The following AKAP6 variants were observed in gnomAD, a reference collection of about 807,000 sequenced individuals.
AKAP6 encodes the protein A-kinase anchoring protein 6, also known as A-kinase anchor protein 6.
In AKAP6, 58 loss-of-function variants were observed where a neutral mutation model predicts 188.5. That is an observed-to-expected ratio of 0.31 (90% CI 0.25 to 0.38). The LOEUF (loss-of-function observed/expected upper bound fraction) is 0.38. Among genes scored for constraint, AKAP6 ranks in the 10% least tolerant of loss-of-function variants. The pLI, the probability that AKAP6 is intolerant of heterozygous loss-of-function variation, is 1.00. For missense variants in AKAP6, 2,710 were observed against 2,740.0 expected (o/e 0.99, Z 0.24); for synonymous variants, 989 against 998.6 (o/e 0.99, Z 0.18).
intron 11 of AKAP6, among the ~76,000 whole-genome samples, chr14:32,748,895 C>G (rs2032017746): frequency 1.3e-5 from 2 of 152,154 alleles, no homozygotes; most frequent in Non-Finnish European, 2.9e-5. Flanking sequence ...TGTAAACCCT[C>G]TTTTTACCTC....
chr14:32,823,707 C>G lies in AKAP6; in HGVS notation c.5894C>G (p.Pro1965Arg). The change falls in exon 13 of 14, where the codon CCA becomes CGA. Residue 1965 changes from proline to arginine, a missense_variant. Pro to Arg is a moderately radical substitution (Grantham distance 103). Transcript: ENST00000280979. ...GTTAGACATCTTCCAAAGAAATGTC[C>G]AAATCACCACCATTTTGAAAATCAA... ...QDVRHLPKKC[P>R]NHHHFENQST... is the part of the protein sequence containing the mutation. The G allele has an allele frequency of 6.2e-7, 1 of 1,613,704 alleles. No individual in the cohort carries two copies. Among genetic ancestry groups the G allele is most frequent in the Non-Finnish European group, 8.5e-7 (1 of 1,179,902 alleles).
chr14:32,551,285 A>G (rs1883448258), intron 4 of AKAP6, among the ~76,000 whole-genome samples: 1 of 152,142 alleles, frequency 6.6e-6, no homozygotes. Context: ...TAAAAGATGT[A>G]ACCCAGCTGG....
intron 8 of AKAP6, among the ~76,000 whole-genome samples, chr14:32,694,245 C>T (rs1023288352): frequency 1.3e-5 from 2 of 151,874 alleles, no homozygotes; most frequent in East Asian, 1.9e-4. Flanking sequence ...CCTGTAGTCC[C>T]AGCTACTCGG....
At chr14:32,789,820 T>C (rs895378507) in intron 12 of AKAP6, among the ~76,000 whole-genome samples, 2 of 152,184 alleles carry the variant, frequency 1.3e-5, no homozygotes, top group African/African-American at 4.8e-5. Flanking sequence ...CTCTTCTCCA[T>C]ATGACTGCAA....
Position 32,640,803 on chromosome 14 carries a change from A to G in AKAP6, c.2731-37508A>G, listed in dbSNP as rs112492187. Among the ~76,000 whole-genome samples the G allele has an allele frequency of 5.1e-3, 779 of 152,318 alleles. 12 individuals carry two copies. The highest frequency in any genetic ancestry group is 0.017 in the African/African-American group (726 of 41,560). ...GAATGTGATTCAGAAATGACACAGA[A>G]ATACTACTGAGAATCTGTGTAATAG... On this transcript the variant is annotated intron_variant, in intron 7 of 13. Coordinates refer to ENST00000280979, the MANE Select transcript of AKAP6 (RefSeq NM_004274.5).
At chr14:32,517,929 C>T (rs748865428) in intron 2 of AKAP6, among the ~76,000 whole-genome samples, 7 of 152,226 alleles carry the variant, frequency 4.6e-5, no homozygotes, top group Non-Finnish European at 1.0e-4. Flanking sequence ...AGTAGCCTAA[C>T]TGGGAGACAC....
intron 1 of AKAP6, among the ~76,000 whole-genome samples, chr14:32,390,788 G>A (rs758892102): frequency 6.6e-6 from 1 of 152,034 alleles, no homozygotes; most frequent in Non-Finnish European, 1.5e-5. Flanking sequence ...GCCTTCAGGG[G>A]GTATGTGGGT....
At chr14:32,369,449 T>C (rs372205443) in intron 1 of AKAP6, among the ~76,000 whole-genome samples, 3 of 152,358 alleles carry the variant, frequency 2.0e-5, no homozygotes, top group East Asian at 3.9e-4. Flanking sequence ...GGTATACATA[T>C]GGATTACATT....
intron 7 of AKAP6, among the ~76,000 whole-genome samples, chr14:32,629,893 C>G (rs1887190934): frequency 6.6e-6 from 1 of 151,708 alleles, no homozygotes; most frequent in Non-Finnish European, 1.5e-5. Flanking sequence ...AAGCAAGACC[C>G]TGTCTCTACA....
Position 32,546,115 on chromosome 14 carries a change from T to A in AKAP6, c.1462T>A (p.Cys488Ser). 1 of 1,613,986 alleles carries A rather than the reference T, an allele frequency of 6.2e-7. No homozygotes were observed. Among genetic ancestry groups the A allele is most frequent in the East Asian group, 2.2e-5 (1 of 44,878 alleles). ...TTCCAGCCTGGGAAGGCTTAACGAC[T>A]GCTATAAAGAGAAATCTCGACTTAA... Reference protein sequence around the residue: ...ISSSLGRLNDCYKEKSRLKKP... With the variant: ...ISSSLGRLNDSYKEKSRLKKP... Residue 488 changes from cysteine to serine, a missense_variant, in exon 4 of 14, where the codon TGC (cysteine) becomes AGC (serine). Coordinates refer to ENST00000280979, the MANE Select transcript of AKAP6 (RefSeq NM_004274.5).
intron 9 of AKAP6, 58 bp downstream of exon 9, chr14:32,696,168 G>GTCTC: frequency 6.6e-7 from 1 of 1,521,932 alleles, no homozygotes; most frequent in Non-Finnish European, 8.8e-7. Flanking sequence ...AGCCTGACAA[G>GTCTC]TCTCTCTCTC....
In AKAP6 at chr14:32,822,893, A is replaced by G. The variant is rs1157598813; in HGVS notation, c.5080A>G (p.Ser1694Gly). The G allele has an allele frequency of 1.2e-6, 2 of 1,613,960 alleles. No homozygotes were observed. Among genetic ancestry groups the G allele is most frequent in the East Asian group, 2.2e-5 (1 of 44,886 alleles). ...GGCATCTCTAACAGAACTTAGCAGC[A>G]GTGACGAGCTCTCTCTTTGCTCAGA... ...SAASLTELSS[S>G]DELSLCSEDI... The change falls in exon 13 of 14, where the codon AGT becomes GGT. Residue 1694 changes from serine to glycine, a missense_variant. By Grantham distance (56) the Ser-to-Gly change is moderately conservative (BLOSUM62 0). Around this residue, in one of 2 missense-constraint regions of AKAP6, gnomAD observed 2,473 missense variants for 2,426.1 expected, o/e 1.02. Coordinates refer to ENST00000280979, the MANE Select transcript of AKAP6 (RefSeq NM_004274.5).
At chr14:32,504,819 C>T (rs1880785374) in intron 2 of AKAP6, among the ~76,000 whole-genome samples, 1 of 152,176 alleles carries the variant, frequency 6.6e-6, no homozygotes, top group South Asian at 2.1e-4. Flanking sequence ...CAGTCGTGCT[C>T]ATGTTACATA....
intron 9 of AKAP6, among the ~76,000 whole-genome samples, chr14:32,731,254 A>C (rs1027764760): frequency 2.6e-5 from 4 of 152,178 alleles, no homozygotes; most frequent in Non-Finnish European, 5.9e-5. Flanking sequence ...GCAAATGCTG[A>C]AGATCTATTA....
At chr14:32,580,542 C>A (rs1566586854) in intron 5 of AKAP6, among the ~76,000 whole-genome samples, 1 of 151,880 alleles carries the variant, frequency 6.6e-6, no homozygotes. Context: ...CCTTTAGTCA[C>A]ACTCTTCATT....
chr14:32,338,641 G>T (rs1470637442), intron 1 of AKAP6, among the ~76,000 whole-genome samples: 2 of 152,054 alleles, frequency 1.3e-5, no homozygotes, highest in African/African-American at 4.8e-5. Flanking sequence ...AACAAAAACA[G>T]AGCCTGGCAG....
In AKAP6 at chr14:32,492,015, G is replaced by A. The variant is rs969982258; in HGVS notation, c.325-43539G>A. 4.6e-5 allele frequency among the ~76,000 whole-genome samples: 7 copies of A among 152,044 alleles called. No individual in the cohort carries two copies. The East Asian group carries it at 1.4e-3, about 30-fold the overall frequency. On this transcript the variant is annotated intron_variant, in intron 2 of 13. Transcript: ENST00000280979. ...CCTCTGTACTAGCCTGAAGTGTGAG[G>A]GTTATCTTATTATCCAGTTACATCT...
At chr14:32,787,922 T>C (rs982806203) in intron 12 of AKAP6, among the ~76,000 whole-genome samples, 1 of 151,958 alleles carries the variant, frequency 6.6e-6, no homozygotes, top group African/African-American at 2.4e-5. Flanking sequence ...AAATGTGTCA[T>C]TCCAAATCCT....
At position 32,337,652 on chromosome 14, in the gene AKAP6, A is replaced by T. The variant is rs538458334; in HGVS notation, c.-35+8244A>T. On this transcript the variant is annotated intron_variant, in intron 1 of 13. Transcript: ENST00000280979. Reference sequence around the variant, plus strand: ...TTTGTTACATATGTATACATGTGCCATGTTGATGTGCTGCACCCATTAACT... The same window carrying T: ...TTTGTTACATATGTATACATGTGCCTTGTTGATGTGCTGCACCCATTAACT... Among the ~76,000 whole-genome samples, 41 of 152,142 alleles carry T rather than the reference A, an allele frequency of 2.7e-4. 2 individuals are homozygous for T. In the South Asian group the frequency reaches 7.7e-3, roughly 29 times the overall value.
Sources: gnomAD v4.1 joint callset for allele counts (sites outside exome capture counted in the v4.1 genomes callset) on GRCh38, gnomAD v4.1.1 for gene constraint, gnomAD v4.1.1 regional missense constraint, MANE v1.5 for transcripts, NCBI Gene and HGNC (gene_info 2026-07-23, HGNC 2026-07-21) for gene names.